NOL4: variants seen among roughly 807,000 people sequenced by gnomAD.
NOL4 encodes cancer/testis antigen 125.
Under a neutral mutation model 75.9 loss-of-function variants are expected in NOL4, and 17 were observed. That is an observed-to-expected ratio of 0.22 (90% CI 0.15 to 0.34). NOL4 has a LOEUF of 0.34. Among genes scored for constraint, NOL4 ranks in the 10% least tolerant of loss-of-function variants. The pLI, the probability that NOL4 is intolerant of heterozygous loss-of-function variation, is 1.00. For synonymous variants in NOL4, 292 were observed against 289.9 expected, an observed-to-expected ratio of 1.01 and a Z score of -0.07; for missense variants, 614 against 793.5, an observed-to-expected ratio of 0.77 and a Z score of 2.72.
intron 1 of NOL4, among the ~76,000 whole-genome samples, chr18:34,193,404 A>G (rs1315442270): frequency 3.3e-5 from 5 of 152,190 alleles, no homozygotes. Context: ...AACTCAACTC[A>G]ATAGCAGAAA....
chr18:33,899,082 G>T (rs536685163), intron 9 of NOL4, among the ~76,000 whole-genome samples: 1 of 152,268 alleles, frequency 6.6e-6, no homozygotes, highest in East Asian at 1.9e-4. Context: ...TTGAAAAAAA[G>T]ATGATAATAC....
At chr18:34,024,449 CA>C (rs1185919371) in intron 5 of NOL4, among the ~76,000 whole-genome samples, 75 of 151,038 alleles carry the variant, frequency 5.0e-4, no homozygotes, top group African/African-American at 1.7e-3. Context: ...CCTTCATATC[CA>C]AAAAAGAAAA....
At chr18:34,121,944 TATAGCCCA>T (rs1435002218) in intron 2 of NOL4, among the ~76,000 whole-genome samples, 1 of 152,180 alleles carries the variant, frequency 6.6e-6, no homozygotes, top group Non-Finnish European at 1.5e-5. Context: ...CTAAGGCCTA[TATAGCCCA>T]ATTGAGAGAT....
chr18:34,046,628 A>ATATATATATATATATATATATATG (rs1568268881), intron 5 of NOL4, among the ~76,000 whole-genome samples: 1 of 132,640 alleles, frequency 7.5e-6, no homozygotes, highest in African/African-American at 2.7e-5. Context: ...ATATATATAT[A>ATATATATATATATATATATATATG]TATATATATG....
At chr18:33,989,190 C>CAAAA (rs55924436) in intron 6 of NOL4, among the ~76,000 whole-genome samples, 12 of 65,100 alleles carry the variant, frequency 1.8e-4, no homozygotes, top group African/African-American at 4.1e-4. Flanking sequence ...CCCATCTCTA[C>CAAAA]AAAAAAAAAA....
intron 1 of NOL4, among the ~76,000 whole-genome samples, chr18:34,158,227 A>C (rs1331831813): frequency 6.6e-6 from 1 of 152,168 alleles, no homozygotes; most frequent in African/African-American, 2.4e-5. Flanking sequence ...GGTTGTGACC[A>C]ACAGTAGTTC....
At chr18:33,991,942 T>C (rs2072950031) in intron 6 of NOL4, among the ~76,000 whole-genome samples, 1 of 148,154 alleles carries the variant, frequency 6.7e-6, no homozygotes, top group Non-Finnish European at 1.5e-5. Context: ...CCTAGGTTTT[T>C]GTACTTTTGA....
chr18:34,208,567 T>G (rs1017684447), intron 1 of NOL4, among the ~76,000 whole-genome samples: 1 of 152,196 alleles, frequency 6.6e-6, no homozygotes, highest in African/African-American at 2.4e-5. Context: ...ACTGTAATTA[T>G]TGGCTGAGCG....
chr18:34,193,971 C>T (rs993887801), intron 1 of NOL4, among the ~76,000 whole-genome samples: 3 of 151,798 alleles, frequency 2.0e-5, no homozygotes, highest in African/African-American at 7.3e-5. Context: ...ATAAGCCAGG[C>T]ACAGAAAGAT....
intron 9 of NOL4, among the ~76,000 whole-genome samples, chr18:33,918,161 G>A (rs186868330): frequency 1.4e-4 from 21 of 152,270 alleles, no homozygotes; most frequent in African/African-American, 4.6e-4. Context: ...AGACAGCTCA[G>A]TTCAAAATGA....
chr18:33,933,857 C>T (rs978858369), intron 9 of NOL4, among the ~76,000 whole-genome samples: 3 of 152,252 alleles, frequency 2.0e-5, no homozygotes, highest in South Asian at 4.1e-4. Context: ...GACCTCCTCC[C>T]ATGAATCGTG....
intron 1 of NOL4, among the ~76,000 whole-genome samples, chr18:34,180,101 T>C (rs1467252583): frequency 6.6e-6 from 1 of 151,520 alleles, no homozygotes. Context: ...TTCCAAAAAT[T>C]AGAAGAGGGA....
intron 10 of NOL4, among the ~76,000 whole-genome samples, chr18:33,873,801 T>C (rs16965003): frequency 0.014 from 2,168 of 152,036 alleles, 52 homozygotes; most frequent in African/African-American, 0.049. Context: ...GCATAGTCTA[T>C]AGAAAGCAGC....
intron 2 of NOL4, among the ~76,000 whole-genome samples, chr18:34,113,621 G>T (rs1317489563): frequency 6.7e-6 from 1 of 149,924 alleles, no homozygotes; most frequent in African/African-American, 2.5e-5. Context: ...TGGGTAGCAG[G>T]GTGAGACAGT....
At chr18:34,050,602 T>C (rs1469523673) in intron 5 of NOL4, among the ~76,000 whole-genome samples, 3 of 152,118 alleles carry the variant, frequency 2.0e-5, no homozygotes, top group African/African-American at 7.2e-5. Context: ...AAGTGAGTTA[T>C]AAACAACTAA....
intron 5 of NOL4, among the ~76,000 whole-genome samples, chr18:34,036,801 G>T: frequency 6.6e-6 from 1 of 152,144 alleles, no homozygotes; most frequent in East Asian, 1.9e-4. Flanking sequence ...GCAAACACCT[G>T]TAATCCCAGC....
chr18:34,009,415 C>T (rs1568209259), intron 6 of NOL4, among the ~76,000 whole-genome samples: 1 of 151,954 alleles, frequency 6.6e-6, no homozygotes. Context: ...CTATTAAAAA[C>T]AGGTATTAAA....
At chr18:34,015,008 C>T (rs2074601003) in intron 6 of NOL4, among the ~76,000 whole-genome samples, 1 of 151,936 alleles carries the variant, frequency 6.6e-6, no homozygotes, top group African/African-American at 2.4e-5. Flanking sequence ...TATAATTAAG[C>T]TTTTATAGCC....
chr18:34,210,457 A>G (rs1352521647), intron 1 of NOL4, among the ~76,000 whole-genome samples: 6 of 152,222 alleles, frequency 3.9e-5, no homozygotes, highest in Non-Finnish European at 8.8e-5. Flanking sequence ...CATAATTATA[A>G]GTGAAACTAG....
Sources: gnomAD v4.1 joint callset for allele counts (sites outside exome capture counted in the v4.1 genomes callset) on GRCh38, gnomAD v4.1.1 for gene constraint, MANE v1.5 for transcripts, NCBI Gene and HGNC (gene_info 2026-07-23, HGNC 2026-07-21) for gene names.